Variants in SCFD2 observed in about 807,000 individuals in gnomAD.
The protein encoded by SCFD2 is sec1 family domain containing 2, also known as sec1 family domain-containing protein 2.
SCFD2 carries 54 observed loss-of-function variants against 58.9 expected under a neutral mutation model. That is an observed-to-expected ratio of 0.92 (90% confidence interval 0.74 to 1.15). The LOEUF (loss-of-function observed/expected upper bound fraction) is 1.15, where lower values mean the gene tolerates loss of function less well. Among genes scored for constraint, SCFD2 ranks in the 50% most tolerant of loss-of-function variants. SCFD2 has a pLI of 0.00. For synonymous variants in SCFD2, 321 were observed against 335.9 expected (o/e 0.96, Z 0.49); for missense variants, 805 against 836.6 (o/e 0.96, Z 0.47).
intron 8 of SCFD2, 57 bp downstream of exon 8, chr4:52,885,689 AC>A: frequency 6.2e-7 from 1 of 1,601,902 alleles, no homozygotes; most frequent in Non-Finnish European, 8.5e-7. Flanking sequence ...GAGGGCCCTC[AC>A]CCACCCTTCA....
At chr4:53,074,507 C>T (rs1723913394) in intron 5 of SCFD2, among the ~76,000 whole-genome samples, 1 of 152,028 alleles carries the variant, frequency 6.6e-6, no homozygotes, top group Non-Finnish European at 1.5e-5. Context: ...TGTACTTTGC[C>T]CAGATCCATC....
chr4:52,994,616 C>A (rs191425250), intron 5 of SCFD2, among the ~76,000 whole-genome samples: 1 of 152,302 alleles, frequency 6.6e-6, no homozygotes, highest in Non-Finnish European at 1.5e-5. Context: ...GGGGATTACA[C>A]TTGAACTCCA....
At chr4:53,342,604 A>G (rs1468007515) in intron 2 of SCFD2, among the ~76,000 whole-genome samples, 15 of 152,312 alleles carry the variant, frequency 9.8e-5, no homozygotes, top group Non-Finnish European at 1.5e-4. Context: ...TGCACCAAGC[A>G]GACCTAATAG....
intron 5 of SCFD2, among the ~76,000 whole-genome samples, chr4:53,011,889 T>C (rs1171386831): frequency 6.6e-6 from 1 of 152,088 alleles, no homozygotes; most frequent in Non-Finnish European, 1.5e-5. Context: ...TAATATACTA[T>C]GAATTGGAGG....
chr4:52,976,002 A>T (rs1721251329), intron 5 of SCFD2, among the ~76,000 whole-genome samples: 1 of 118,198 alleles, frequency 8.5e-6, no homozygotes, highest in African/African-American at 3.3e-5. Flanking sequence ...GAAGCGGAAC[A>T]TCACACACTG....
At chr4:53,211,426 C>T (rs77110264) in intron 4 of SCFD2, among the ~76,000 whole-genome samples, 12,523 of 152,022 alleles carry the variant, frequency 0.082, 755 homozygotes, top group East Asian at 0.24. Flanking sequence ...AATTGGTAAA[C>T]GTGAGTGTTT....
chr4:52,874,088 C>A, intron 8 of SCFD2, 27 bp from the exon 9 acceptor site: 1 of 1,497,152 alleles, frequency 6.7e-7, no homozygotes, highest in South Asian at 1.1e-5. Flanking sequence ...GCAAACACAC[C>A]GCAGGGAATT....
chr4:53,246,161 G>A (rs757213016), intron 4 of SCFD2, among the ~76,000 whole-genome samples: 2 of 152,022 alleles, frequency 1.3e-5, no homozygotes, highest in Non-Finnish European at 2.9e-5. Context: ...TCTCTACAAT[G>A]AGAATTACAA....
chr4:53,088,242 T>C (rs1724371189), intron 5 of SCFD2, among the ~76,000 whole-genome samples: 1 of 152,172 alleles, frequency 6.6e-6, no homozygotes, highest in South Asian at 2.1e-4. Flanking sequence ...ACCCCAAAGA[T>C]GATTCCAGAG....
intron 3 of SCFD2, among the ~76,000 whole-genome samples, chr4:53,281,396 T>C (rs1052052186): frequency 6.6e-6 from 1 of 152,134 alleles, no homozygotes; most frequent in Admixed American, 6.6e-5. Context: ...ATATATATCA[T>C]AGAAAAAATA....
intron 4 of SCFD2, among the ~76,000 whole-genome samples, chr4:53,200,485 CA>C (rs1297461031): frequency 2.7e-4 from 41 of 152,114 alleles, no homozygotes; most frequent in Non-Finnish European, 5.4e-4. Context: ...CTGATACAAT[CA>C]GATTTGAAAG....
intron 5 of SCFD2, among the ~76,000 whole-genome samples, chr4:53,067,336 T>G (rs1723690801): frequency 6.6e-6 from 1 of 151,968 alleles, no homozygotes; most frequent in African/African-American, 2.4e-5. Flanking sequence ...ATGTGGTTAG[T>G]ACTCAAACAT....
intron 5 of SCFD2, among the ~76,000 whole-genome samples, chr4:53,120,129 G>A (rs199608280): frequency 2.0e-5 from 3 of 151,978 alleles, no homozygotes; most frequent in Admixed American, 1.3e-4. Context: ...AGTAATAAAC[G>A]CATTTGACGA....
intron 4 of SCFD2, among the ~76,000 whole-genome samples, chr4:53,230,523 C>G (rs1001369597): frequency 2.0e-5 from 3 of 148,886 alleles, no homozygotes; most frequent in Admixed American, 1.4e-4. Flanking sequence ...ATCGCAAGGA[C>G]AAAAAACCAA....
intron 4 of SCFD2, among the ~76,000 whole-genome samples, chr4:53,250,923 A>G (rs1036269794): frequency 1.2e-4 from 18 of 152,206 alleles, no homozygotes; most frequent in African/African-American, 4.3e-4. Flanking sequence ...ATAGAGACAC[A>G]AAAAACCCTT....
intron 4 of SCFD2, among the ~76,000 whole-genome samples, chr4:53,159,773 C>A (rs922131949): frequency 3.9e-5 from 6 of 152,164 alleles, no homozygotes; most frequent in African/African-American, 1.4e-4. Flanking sequence ...CCATGACCAC[C>A]CCCTTCAGAA....
At chr4:53,301,951 T>C (rs1157668606) in intron 3 of SCFD2, among the ~76,000 whole-genome samples, 2 of 152,152 alleles carry the variant, frequency 1.3e-5, no homozygotes, top group Non-Finnish European at 2.9e-5. Flanking sequence ...GGGACGTATC[T>C]CAAAATAATA....
intron 2 of SCFD2, among the ~76,000 whole-genome samples, chr4:53,333,725 G>A: frequency 8.5e-6 from 1 of 116,988 alleles, no homozygotes; most frequent in Non-Finnish European, 1.8e-5. Context: ...AACAGCAATG[G>A]CAACAAAAGC....
chr4:52,982,971 C>T (rs1198132111), intron 5 of SCFD2, among the ~76,000 whole-genome samples: 1 of 152,150 alleles, frequency 6.6e-6, no homozygotes, highest in Non-Finnish European at 1.5e-5. Flanking sequence ...GCATTATTTA[C>T]AATCATGATT....
Sources: allele counts gnomAD v4.1 joint callset (sites outside exome capture counted in the v4.1 genomes callset), GRCh38; gene constraint gnomAD v4.1.1; transcripts MANE v1.5; gene names NCBI Gene and HGNC (gene_info 2026-07-23, HGNC 2026-07-21).